HSPG2: variants seen among roughly 807,000 people sequenced by gnomAD.
The protein encoded by HSPG2 is heparan sulfate proteoglycan 2, also known as basement membrane-specific heparan sulfate proteoglycan core protein.
Under a neutral mutation model 526.6 loss-of-function variants are expected in HSPG2, and 278 were observed. The ratio of observed to expected loss-of-function variants is 0.53; its 90% CI spans 0.48 to 0.58. The LOEUF is 0.58. Among genes scored for constraint, HSPG2 ranks in the 20% least tolerant of loss-of-function variants. The pLI, the probability that HSPG2 is intolerant of heterozygous loss-of-function variation, is 0.00. For missense variants in HSPG2, 5,354 were observed against 6,099.5 expected (o/e 0.88, Z 4.07); for synonymous variants, 2,465 against 2,555.4 (o/e 0.96, Z 1.07).
Position 21,834,698 on chromosome 1 carries a change from G to C in HSPG2, c.10701C>G (p.His3567Gln), listed in dbSNP as rs746152500. 6.2e-7 allele frequency: 1 copy of C among 1,614,070 alleles called. No individual in the cohort carries two copies. Among genetic ancestry groups the C allele is most frequent in the Non-Finnish European group, 8.5e-7 (1 of 1,180,048 alleles). Residue 3567 changes from histidine to glutamine, a missense_variant, in exon 77 of 97, where the codon CAC becomes CAG. By Grantham distance (24) the His-to-Gln change is conservative (BLOSUM62 0). Coordinates refer to ENST00000374695, the MANE Select transcript of HSPG2 (RefSeq NM_005529.7). ...ATNAAGTTQS[H>Q]VLLLVQALPQ... Reference sequence around the variant, plus strand: ...CTTCACCTTGCACAAGCAGCAGGACGTGGGATTGTGTGGTGCCAGCTGCGT... The same window carrying C: ...CTTCACCTTGCACAAGCAGCAGGACCTGGGATTGTGTGGTGCCAGCTGCGT...
intron 37 of HSPG2, among the ~76,000 whole-genome samples, chr1:21,862,344 G>T (rs1211713875): frequency 6.6e-6 from 1 of 152,180 alleles, no homozygotes; most frequent in African/African-American, 2.4e-5. Context: ...AGCACTCTGG[G>T]AGGCCGAGGC....
chr1:21,836,770 C>G, intron 75 of HSPG2, 32 bp downstream of exon 75: 2 of 1,529,058 alleles, frequency 1.3e-6, no homozygotes, highest in Non-Finnish European at 1.8e-6. Flanking sequence ...GCTATGCTGC[C>G]CAAGTCCAGT....
rs759606539 is a variant in HSPG2 at position 21,872,937 on chromosome 1, C to G, written c.3888+60G>C. The G allele has an allele frequency of 1.9e-6, 3 of 1,572,806 alleles. 1 individual carries two copies. The East Asian group carries it at 6.7e-5, about 35-fold the overall frequency. ...CTTCCACCAGATGCTGCCTGATTTCCCCGCAGGGTCTGGGCAGCGGGGCAG... is the reference window on the plus strand; with the variant it reads ...CTTCCACCAGATGCTGCCTGATTTCGCCGCAGGGTCTGGGCAGCGGGGCAG... On this transcript the variant is annotated intron_variant, in intron 31 of 96. Transcript: ENST00000374695. The surrounding 1 kb of genome is among the most constrained non-coding windows in gnomAD (Gnocchi z 5.5).
intron 39 of HSPG2, among the ~76,000 whole-genome samples, chr1:21,861,496 A>G (rs1452415119): frequency 2.5e-5 from 1 of 40,554 alleles, no homozygotes; most frequent in Non-Finnish European, 6.9e-5. Context: ...TAAAAAAAAA[A>G]AAAGAAAGAA....
At chr1:21,884,441 C>T in intron 13 of HSPG2, 87 bp downstream of exon 13, 1 of 1,556,464 alleles carries the variant, frequency 6.4e-7, no homozygotes, top group Non-Finnish European at 8.8e-7. Context: ...ACCTGGCCCC[C>T]TCTGTCCGCA....
At chr1:21,843,213 C>T (rs541737897) in intron 66 of HSPG2, 84 bp downstream of exon 66, 166 of 1,584,942 alleles carry the variant, frequency 1.0e-4, no homozygotes, top group Non-Finnish European at 1.3e-4. Context: ...AATAAGTGCC[C>T]GGCTGGGAGA....
intron 71 of HSPG2, among the ~76,000 whole-genome samples, chr1:21,840,528 A>C (rs1384941957): frequency 6.6e-6 from 1 of 151,062 alleles, no homozygotes; most frequent in Non-Finnish European, 1.5e-5. Flanking sequence ...GGATGGTCTC[A>C]ATCTCCTGAC....
chr1:21,849,739 G>T (rs1638737010), intron 57 of HSPG2, among the ~76,000 whole-genome samples: 1 of 152,128 alleles, frequency 6.6e-6, no homozygotes, highest in Non-Finnish European at 1.5e-5. Flanking sequence ...GAGTGCAACG[G>T]CACGATCTCG....
intron 39 of HSPG2, 116 bp downstream of exon 39, chr1:21,861,641 G>A: frequency 1.1e-6 from 1 of 951,010 alleles, no homozygotes; most frequent in Non-Finnish European, 1.7e-6. Context: ...AGTGTTTGAG[G>A]CAGGGAAGGA....
intron 1 of HSPG2, among the ~76,000 whole-genome samples, chr1:21,901,503 G>A (rs1252163198): frequency 6.6e-6 from 1 of 152,044 alleles, no homozygotes; most frequent in Non-Finnish European, 1.5e-5. Flanking sequence ...ATAGAATTGG[G>A]TCCTATGGCT....
chr1:21,892,610 C>T (rs573474301), intron 3 of HSPG2, among the ~76,000 whole-genome samples: 2 of 152,344 alleles, frequency 1.3e-5, no homozygotes, highest in African/African-American at 4.8e-5. Flanking sequence ...TGCAGTGGCT[C>T]ACGCCTGTAA....
intron 69 of HSPG2, 78 bp downstream of exon 69, chr1:21,841,924 C>A: frequency 6.3e-7 from 1 of 1,584,464 alleles, no homozygotes; most frequent in Non-Finnish European, 8.6e-7. Context: ...AGACTTCTGC[C>A]CCACCCTTGC....
Position 21,841,150 on chromosome 1 carries a change from T to C in HSPG2, c.9464A>G (p.Lys3155Arg). 6.2e-7 allele frequency: 1 copy of C among 1,613,660 alleles called. No individual in the cohort carries two copies. Among genetic ancestry groups the C allele is most frequent in the Non-Finnish European group, 8.5e-7 (1 of 1,179,976 alleles). ...RWTRISSTPAKLEQRTYGLMD... is the reference protein window; with the variant it reads ...RWTRISSTPARLEQRTYGLMD... ...GAGCCCATATGTCCGCTGCTCCAACTTGGCAGGGGTGCTGCTGATCCGGGT... is the reference window on the plus strand; with the variant it reads ...GAGCCCATATGTCCGCTGCTCCAACCTGGCAGGGGTGCTGCTGATCCGGGT... Residue 3155 changes from lysine to arginine, a missense_variant, in exon 71 of 97, where the codon AAG becomes AGG. Transcript: ENST00000374695.
chr1:21,874,109 G>T, intron 28 of HSPG2, 98 bp from the exon 29 acceptor site: 3 of 1,087,092 alleles, frequency 2.8e-6, no homozygotes, highest in Non-Finnish European at 4.1e-6. Flanking sequence ...GGAAGAACAG[G>T]CATGTGAACT....
rs16826053 is a variant in HSPG2 at position 21,929,191 on chromosome 1, T to C, written c.63+7964A>G. On this transcript the variant is annotated intron_variant, in intron 1 of 96. Coordinates refer to ENST00000374695, the MANE Select transcript of HSPG2 (RefSeq NM_005529.7). ...GGGGTAAGAATAAATCTACAAGCCATGAGCTCCGGCTGTGGAGTTCTAAGG... is the reference window on the plus strand; with the variant it reads ...GGGGTAAGAATAAATCTACAAGCCACGAGCTCCGGCTGTGGAGTTCTAAGG... Among the ~76,000 whole-genome samples the C allele has an allele frequency of 0.016, 2,425 of 152,276 alleles. 88 individuals are homozygous for C. In the East Asian group the frequency reaches 0.17, roughly 11 times the overall value.
At chr1:21,884,732 C>A in intron 12 of HSPG2, 35 bp downstream of exon 12, 3 of 1,611,976 alleles carry the variant, frequency 1.9e-6, no homozygotes, top group Non-Finnish European at 2.5e-6. Flanking sequence ...CCGGCTCTGC[C>A]CCCACACCCG....
chr1:21,842,149 C>T lies in HSPG2; in HGVS notation c.9053-7G>A. 1 of 1,613,658 alleles carries T rather than the reference C, an allele frequency of 6.2e-7. No individual in the cohort carries two copies. On this transcript the variant is annotated splice_polypyrimidine_tract_variant and splice_region_variant and intron_variant, in intron 68 of 96. Coordinates refer to ENST00000374695, the MANE Select transcript of HSPG2 (RefSeq NM_005529.7). ...ATGACCGGGCTCCTAAGGCCTGGGG[C>T]CAAAGGGGCAGAGGGCTGGGCTCAG...
rs746499380 is a variant in HSPG2, at chr1:21,881,407, C to T, written c.1750G>A (p.Asp584Asn). ...DPSLHEFQLV[D>N]LSRRFLVHDS... ...TGGACGAGGAAGCGGCGGGACAGGTCGACTAGCTGGAACTCGTGCAGGGAT... is the reference window on the plus strand; with the variant it reads ...TGGACGAGGAAGCGGCGGGACAGGTTGACTAGCTGGAACTCGTGCAGGGAT... Residue 584 changes from aspartate (D) to asparagine (N), a missense_variant, in exon 14 of 97, where the codon GAC becomes AAC. Coordinates refer to ENST00000374695, the MANE Select transcript of HSPG2 (RefSeq NM_005529.7). 16 of 1,613,962 alleles carry T rather than the reference C, an allele frequency of 9.9e-6. No homozygotes were observed. The highest frequency in any genetic ancestry group is 2.7e-5 in the African/African-American group (2 of 74,902).
chr1:21,878,354 CAGGG>C, intron 20 of HSPG2, 75 bp downstream of exon 20: 3 of 1,570,346 alleles, frequency 1.9e-6, no homozygotes, highest in South Asian at 1.1e-5. Context: ...TGAGCTGGGG[CAGGG>C]AGGGAGGGTG....
Sources: gnomAD v4.1 joint callset for allele counts (sites outside exome capture counted in the v4.1 genomes callset) on GRCh38, gnomAD v4.1.1 for gene constraint, Gnocchi (gnomAD v3.1) non-coding constraint, MANE v1.5 for transcripts, NCBI Gene and HGNC (gene_info 2026-07-23, HGNC 2026-07-21) for gene names.